GRM7: variants seen among roughly 807,000 people sequenced by gnomAD.
GRM7 encodes glutamate metabotropic receptor 7.
A neutral mutation model predicts 84.5 loss-of-function variants in GRM7; 35 were observed. The observed-to-expected ratio is 0.41, with a 90% confidence interval of 0.32 to 0.55. The LOEUF is 0.55. Ranked by LOEUF, GRM7 falls within the 20% of genes least tolerant of loss-of-function variation. The pLI is 0.19. For synonymous variants in GRM7, 487 were observed against 455.1 expected (o/e 1.07, Z -0.89); for missense variants, 1,003 against 1,194.6 (o/e 0.84, Z 2.36).
chr3:7,259,224 C>G (rs773020018), intron 2 of GRM7, among the ~76,000 whole-genome samples: 12 of 152,126 alleles, frequency 7.9e-5, no homozygotes, highest in Non-Finnish European at 1.6e-4. Context: ...ACTTTGGGCT[C>G]AGTTTTGCCA....
intron 1 of GRM7, among the ~76,000 whole-genome samples, chr3:7,045,817 T>C (rs1012114501): frequency 6.6e-6 from 1 of 152,188 alleles, no homozygotes; most frequent in African/African-American, 2.4e-5. Flanking sequence ...TTTTGGTTAC[T>C]ATGAATAATG....
intron 4 of GRM7, among the ~76,000 whole-genome samples, chr3:7,317,262 C>T (rs1360865915): frequency 6.6e-6 from 1 of 151,498 alleles, no homozygotes; most frequent in African/African-American, 2.4e-5. Flanking sequence ...TCCCACCAAC[C>T]TCTTCCCAAT....
At chr3:7,662,249 GT>G (rs1449637622) in intron 8 of GRM7, among the ~76,000 whole-genome samples, 1 of 152,192 alleles carries the variant, frequency 6.6e-6, no homozygotes, top group Non-Finnish European at 1.5e-5. Context: ...GTTGAAAGGA[GT>G]GAGGGAGAAA....
chr3:7,379,075 A>G (rs1694477027), intron 4 of GRM7, among the ~76,000 whole-genome samples: 1 of 152,014 alleles, frequency 6.6e-6, no homozygotes, highest in Admixed American at 6.6e-5. Context: ...ATTAATTTTT[A>G]TTTTTACTTT....
intron 9 of GRM7, among the ~76,000 whole-genome samples, chr3:7,721,133 G>T (rs1290454402): frequency 6.6e-6 from 1 of 152,216 alleles, no homozygotes; most frequent in Non-Finnish European, 1.5e-5. Flanking sequence ...TCATGCTTAA[G>T]TTCTTAACAG....
intron 1 of GRM7, among the ~76,000 whole-genome samples, chr3:7,102,652 T>C (rs1268905632): frequency 1.3e-5 from 2 of 151,770 alleles, no homozygotes; most frequent in Non-Finnish European, 2.9e-5. Flanking sequence ...CACCATTCTG[T>C]TTCTTCTCCT....
chr3:7,162,676 G>C (rs553190495), intron 2 of GRM7, among the ~76,000 whole-genome samples: 10 of 143,682 alleles, frequency 7.0e-5, no homozygotes, highest in Admixed American at 1.4e-4. Context: ...AAGGCAATTT[G>C]AGGATGTTTG....
intron 2 of GRM7, among the ~76,000 whole-genome samples, chr3:7,281,205 A>G (rs1009840391): frequency 6.6e-6 from 1 of 152,232 alleles, no homozygotes; most frequent in African/African-American, 2.4e-5. Context: ...TTAAAATATC[A>G]TTTGAAAGAG....
At chr3:7,363,220 A>T (rs1693744511) in intron 4 of GRM7, among the ~76,000 whole-genome samples, 1 of 151,914 alleles carries the variant, frequency 6.6e-6, no homozygotes, top group Non-Finnish European at 1.5e-5. Context: ...TATCACTCAG[A>T]ATTTTTGTCG....
intron 7 of GRM7, among the ~76,000 whole-genome samples, chr3:7,465,746 C>T (rs953510057): frequency 3.3e-5 from 5 of 151,864 alleles, no homozygotes; most frequent in East Asian, 1.9e-4. Context: ...ATGAAATTTT[C>T]GAGGGCGGCT....
At chr3:7,155,521 A>G (rs1243977244) in intron 2 of GRM7, among the ~76,000 whole-genome samples, 1 of 152,108 alleles carries the variant, frequency 6.6e-6, no homozygotes, top group Non-Finnish European at 1.5e-5. Flanking sequence ...AAACAAGTAG[A>G]TACTCCAATC....
At chr3:7,347,303 C>G (rs1049991591) in intron 4 of GRM7, among the ~76,000 whole-genome samples, 25 of 152,226 alleles carry the variant, frequency 1.6e-4, no homozygotes, top group Non-Finnish European at 2.2e-4. Context: ...ATGCCTAGAC[C>G]TCTGTTATAC....
intron 1 of GRM7, among the ~76,000 whole-genome samples, chr3:7,093,850 C>T (rs552434202): frequency 6.6e-6 from 1 of 151,802 alleles, no homozygotes; most frequent in Non-Finnish European, 1.5e-5. Context: ...GATGTTGTCA[C>T]CAAGGTTTTC....
chr3:6,977,785 G>A (rs1694056341), intron 1 of GRM7, among the ~76,000 whole-genome samples: 1 of 152,156 alleles, frequency 6.6e-6, no homozygotes. Context: ...GTGGGTTAAG[G>A]AGCCATCATA....
intron 7 of GRM7, among the ~76,000 whole-genome samples, chr3:7,544,193 G>C (rs1693028684): frequency 6.6e-6 from 1 of 152,036 alleles, no homozygotes; most frequent in Non-Finnish European, 1.5e-5. Flanking sequence ...TAAGAGACAG[G>C]GTCTCACTCT....
At chr3:7,530,083 C>T (rs989684871) in intron 7 of GRM7, among the ~76,000 whole-genome samples, 28 of 149,284 alleles carry the variant, frequency 1.9e-4, no homozygotes, top group African/African-American at 6.1e-4. Flanking sequence ...TAATGCTATC[C>T]CTCCCCTATC....
Position 7,529,541 on chromosome 3 carries a change from A to G in GRM7, c.1516-48881A>G, listed in dbSNP as rs940602211. ...TGGGTCAAGATCATTAACATTATAG[A>G]CTCTTAACGGACACTTATTGTCAAA... On this transcript the variant is annotated intron_variant, in intron 7 of 9. Coordinates refer to ENST00000357716, the MANE Select transcript of GRM7 (RefSeq NM_000844.4). Among the ~76,000 whole-genome samples, 3 of 151,844 alleles carry G rather than the reference A, an allele frequency of 2.0e-5. 1 individual carries two copies. The South Asian group carries it at 6.2e-4, about 32-fold the overall frequency.
chr3:7,545,055 T>A (rs1286361343), intron 7 of GRM7, among the ~76,000 whole-genome samples: 1 of 152,216 alleles, frequency 6.6e-6, no homozygotes, highest in African/African-American at 2.4e-5. Flanking sequence ...GTGGTATTTA[T>A]TGGATGGGTG....
At chr3:7,287,677 T>C (rs1699476840) in intron 2 of GRM7, among the ~76,000 whole-genome samples, 1 of 152,158 alleles carries the variant, frequency 6.6e-6, no homozygotes, top group Non-Finnish European at 1.5e-5. Context: ...ATTTATTTGT[T>C]TCCACTTATT....
Sources: gnomAD v4.1 joint callset for allele counts (sites outside exome capture counted in the v4.1 genomes callset) on GRCh38, gnomAD v4.1.1 for gene constraint, MANE v1.5 for transcripts, NCBI Gene and HGNC (gene_info 2026-07-23, HGNC 2026-07-21) for gene names.